EML4: variants seen among roughly 807,000 people sequenced by gnomAD.
The protein encoded by EML4 is EMAP like 4.
In EML4, 72 loss-of-function variants were observed where a neutral mutation model predicts 129.0. The ratio of observed to expected loss-of-function variants is 0.56; its 90% CI spans 0.46 to 0.68. EML4 has a LOEUF of 0.68. Ranked by LOEUF, EML4 falls within the 30% of genes least tolerant of loss-of-function variation. The pLI, the probability that EML4 is intolerant of heterozygous loss-of-function variation, is 0.00. For synonymous variants in EML4, 532 were observed against 405.0 expected, an observed-to-expected ratio of 1.31 and a Z score of -3.77; for missense variants, 1,363 against 1,190.6, an observed-to-expected ratio of 1.14 and a Z score of -2.13.
chr2:42,256,448 C>A, intron 2 of EML4, 53 bp from the exon 3 acceptor site: 2 of 1,526,336 alleles, frequency 1.3e-6, no homozygotes, highest in Non-Finnish European at 8.8e-7. Context: ...AAATTTAGAT[C>A]TTTAAGGAAT....
At position 42,252,927 on chromosome 2, in the gene EML4, A is replaced by G. The variant is rs547442370; in HGVS notation, c.209-3574A>G. 1.3e-3 allele frequency among the ~76,000 whole-genome samples: 194 copies of G among 152,212 alleles called. 1 individual carries two copies. The South Asian group carries it at 0.031, about 24-fold the overall frequency. On this transcript the variant is annotated intron_variant, in intron 2 of 22. Transcript: ENST00000318522. The stretch of plus-strand genomic sequence containing the variant: ...TGTACTTACCACGTTTTCATTGCCA[A>G]TGTGATTCTCCTTGAAGATTTTGAA...
At chr2:42,276,226 G>A (rs899503060) in intron 6 of EML4, among the ~76,000 whole-genome samples, 1 of 151,946 alleles carries the variant, frequency 6.6e-6, no homozygotes, top group African/African-American at 2.4e-5. Flanking sequence ...CCCCTTTTTT[G>A]GTAGAGGAGT....
rs1190724457 is a variant in EML4 at position 42,331,494 on chromosome 2, A to ATGTT, written c.*1289_*1292dup. On this transcript the variant is annotated 3_prime_UTR_variant, in exon 23 of 23. Transcript: ENST00000318522. Reference sequence around the variant, plus strand: ...TTACTGACAAATATGTATTTCCTATATGTTTATACTTTGATTATAAAAAAG... The same window carrying ATGTT: ...TTACTGACAAATATGTATTTCCTATATGTTTGTTTATACTTTGATTATAAAAAAG... 7 of 223,112 alleles carry ATGTT rather than the reference A, an allele frequency of 3.1e-5. No homozygotes were observed. In the Admixed American group the frequency reaches 4.0e-4, roughly 13 times the overall value. 13.8% of individuals were successfully genotyped at this position (223,112 alleles called of 1,614,324 possible).
At chr2:42,245,340 CCT>C (rs1675329142) in intron 1 of EML4, among the ~76,000 whole-genome samples, 163 bp from the exon 2 acceptor site, 1 of 151,750 alleles carries the variant, frequency 6.6e-6, no homozygotes, top group African/African-American at 2.4e-5. Context: ...AGGTGATCTG[CCT>C]CTCTTGGCCC....
At chr2:42,268,294 A>C (rs1666179268) in intron 6 of EML4, among the ~76,000 whole-genome samples, 2 of 152,330 alleles carry the variant, frequency 1.3e-5, no homozygotes, top group African/African-American at 4.8e-5. Context: ...TTTAAAGTAT[A>C]CAGGAAGATA....
At chr2:42,264,496 C>T (rs909071844) in intron 5 of EML4, among the ~76,000 whole-genome samples, 6 of 152,206 alleles carry the variant, frequency 3.9e-5, no homozygotes, top group South Asian at 2.1e-4. Flanking sequence ...TTTAGATGCT[C>T]TTGTGGGATA....
At chr2:42,187,175 C>T (rs899615463) in intron 1 of EML4, among the ~76,000 whole-genome samples, 1 of 151,880 alleles carries the variant, frequency 6.6e-6, no homozygotes, top group African/African-American at 2.4e-5. Context: ...TCCCAAGTAG[C>T]TGGGACTATA....
intron 1 of EML4, among the ~76,000 whole-genome samples, chr2:42,189,306 A>G (rs1012789501): frequency 2.0e-5 from 3 of 152,206 alleles, no homozygotes; most frequent in Admixed American, 6.5e-5. Flanking sequence ...CATGTCTCCT[A>G]TCCCACTACC....
chr2:42,225,790 A>G (rs1017234568), intron 1 of EML4, among the ~76,000 whole-genome samples: 2 of 151,936 alleles, frequency 1.3e-5, no homozygotes, highest in Non-Finnish European at 2.9e-5. Context: ...TTATTGCTTT[A>G]TAGGCAATAT....
chr2:42,299,117 C>T (rs1033089438), intron 13 of EML4, among the ~76,000 whole-genome samples: 8 of 152,168 alleles, frequency 5.3e-5, no homozygotes, highest in Non-Finnish European at 8.8e-5. Flanking sequence ...TAAGTGGAGA[C>T]AGTTGACCTG....
chr2:42,238,890 C>A (rs1230692797), intron 1 of EML4, among the ~76,000 whole-genome samples: 1 of 152,164 alleles, frequency 6.6e-6, no homozygotes, highest in Non-Finnish European at 1.5e-5. Flanking sequence ...CTCAAGTGAT[C>A]CTCCTGCCTC....
intron 1 of EML4, among the ~76,000 whole-genome samples, chr2:42,218,404 CATA>C (rs1673340136): frequency 2.0e-5 from 3 of 151,908 alleles, no homozygotes; most frequent in Non-Finnish European, 4.4e-5. Flanking sequence ...ATATAAAGTG[CATA>C]ATAAGTGTAA....
chr2:42,315,924 A>G, intron 17 of EML4, 38 bp from the exon 18 acceptor site: 1 of 1,444,102 alleles, frequency 6.9e-7, no homozygotes, highest in Admixed American at 1.9e-5. Context: ...TATAAATGCT[A>G]ATATCTGAAG....
chr2:42,280,014 A>G (rs1666918361), intron 6 of EML4, among the ~76,000 whole-genome samples: 1 of 152,088 alleles, frequency 6.6e-6, no homozygotes, highest in Non-Finnish European at 1.5e-5. Flanking sequence ...TTAACCCTTT[A>G]TTAGATATAT....
intron 1 of EML4, among the ~76,000 whole-genome samples, chr2:42,218,647 A>G (rs1673357355): frequency 6.6e-6 from 1 of 152,180 alleles, no homozygotes; most frequent in South Asian, 2.1e-4. Flanking sequence ...GCCCTATCAT[A>G]GTTAGTTCAG....
chr2:42,325,415 T>C (rs944933319), intron 19 of EML4, 52 bp from the exon 20 acceptor site: 8 of 845,744 alleles, frequency 9.5e-6, no homozygotes, highest in African/African-American at 8.1e-5. Context: ...GTTGAACTGT[T>C]TATCATTCAG....
chr2:42,199,721 G>T (rs1450720986), intron 1 of EML4, among the ~76,000 whole-genome samples: 1 of 152,194 alleles, frequency 6.6e-6, no homozygotes, highest in African/African-American at 2.4e-5. Context: ...GCAAATGGCA[G>T]TAGTGAAAAA....
At chr2:42,187,728 C>G (rs893384634) in intron 1 of EML4, among the ~76,000 whole-genome samples, 10 of 151,964 alleles carry the variant, frequency 6.6e-5, no homozygotes, top group Admixed American at 2.0e-4. Flanking sequence ...GCTTTGGGTA[C>G]AAGTCCTTTA....
At chr2:42,323,702 G>A (rs2103819754) in intron 19 of EML4, among the ~76,000 whole-genome samples, 1 of 151,936 alleles carries the variant, frequency 6.6e-6, no homozygotes, top group South Asian at 2.1e-4. Context: ...GGGAGGCTGG[G>A]GCAAGTGGAT....
Sources: gnomAD v4.1 joint callset for allele counts (sites outside exome capture counted in the v4.1 genomes callset) on GRCh38, gnomAD v4.1.1 for gene constraint, MANE v1.5 for transcripts, NCBI Gene and HGNC (gene_info 2026-07-23, HGNC 2026-07-21) for gene names.